The following CMYA5 variants were observed in gnomAD, a reference collection of about 807,000 sequenced individuals.
CMYA5 encodes cardiomyopathy-associated protein 5.
In CMYA5, 246 loss-of-function variants were observed where a neutral mutation model predicts 318.9. The ratio of observed to expected loss-of-function variants is 0.77; its 90% CI spans 0.70 to 0.86. CMYA5 has a LOEUF of 0.86. CMYA5 is among the 40% of genes least tolerant of loss of function. The pLI, the probability that CMYA5 is intolerant of heterozygous loss-of-function variation, is 0.00. For missense variants in CMYA5, 4,589 were observed against 4,678.2 expected (o/e 0.98, Z 0.56); for synonymous variants, 1,641 against 1,729.5 (o/e 0.95, Z 1.27).
Position 79,735,885 on chromosome 5 carries a change from T to C in CMYA5, c.7120T>C (p.Ser2374Pro), listed in dbSNP as rs376596855. ...EEPRSDQKQK[S>P]LLSFDVVDKV... ...GCCAAGAAGTGATCAAAAACAAAAATCACTCCTTTCATTTGATGTAGTAGA... is the reference window on the plus strand; with the variant it reads ...GCCAAGAAGTGATCAAAAACAAAAACCACTCCTTTCATTTGATGTAGTAGA... The change falls in exon 2 of 13, where the codon TCA becomes CCA. Residue 2374 changes from serine (S) to proline (P), a missense_variant. By Grantham distance (74) the Ser-to-Pro change is moderately conservative. Coordinates refer to ENST00000446378, the MANE Select transcript of CMYA5 (RefSeq NM_153610.5). 4 of 1,580,460 alleles carry C rather than the reference T, an allele frequency of 2.5e-6. No homozygotes were observed. In the African/African-American group the frequency reaches 5.5e-5, roughly 22 times the overall value.
chr5:79,744,461 C>T (rs905434962), intron 3 of CMYA5, among the ~76,000 whole-genome samples: 2 of 152,158 alleles, frequency 1.3e-5, no homozygotes, highest in African/African-American at 4.8e-5. Flanking sequence ...AGCAATGCTC[C>T]ATCCTTATAC....
chr5:79,775,507 T>C (rs1416927613), intron 9 of CMYA5, among the ~76,000 whole-genome samples: 1 of 152,074 alleles, frequency 6.6e-6, no homozygotes, highest in East Asian at 1.9e-4. Context: ...AATCTGAACT[T>C]ACTGGCAGCT....
chr5:79,710,036 TC>T (rs1827358778), intron 1 of CMYA5, among the ~76,000 whole-genome samples: 2 of 151,006 alleles, frequency 1.3e-5, no homozygotes, highest in Admixed American at 1.3e-4. Context: ...AATTACTCCT[TC>T]CTTTTCCAAC....
chr5:79,737,914 A>G lies in CMYA5; in HGVS notation c.9149A>G (p.Glu3050Gly). 1 of 1,605,974 alleles carries G rather than the reference A, an allele frequency of 6.2e-7. No homozygotes were observed. The highest frequency in any genetic ancestry group is 1.3e-5 in the African/African-American group (1 of 74,320). ...SFIQPTIPSEEDYFEKYTLID... is the reference protein window; with the variant it reads ...SFIQPTIPSEGDYFEKYTLID... ...ATTCAGCCCACAATTCCCAGTGAAG[A>G]GGATTATTTTGAAAAATATACTTTG... Residue 3050 changes from glutamate to glycine, a missense_variant, in exon 2 of 13, where the codon GAG becomes GGG. Physicochemically the swap from Glu to Gly is moderately conservative, Grantham distance 98. Coordinates refer to ENST00000446378, the MANE Select transcript of CMYA5 (RefSeq NM_153610.5).
intron 1 of CMYA5, among the ~76,000 whole-genome samples, chr5:79,704,773 A>G (rs1827239521): frequency 6.6e-6 from 1 of 152,204 alleles, no homozygotes; most frequent in African/African-American, 2.4e-5. Context: ...TTGACACATC[A>G]GAGATAGAGT....
intron 1 of CMYA5, among the ~76,000 whole-genome samples, chr5:79,719,799 G>T (rs1243737799): frequency 6.6e-6 from 1 of 152,154 alleles, no homozygotes; most frequent in Non-Finnish European, 1.5e-5. Context: ...GAAGGGAAGG[G>T]CTTATGTAGA....
chr5:79,737,689 A>G lies in CMYA5; in HGVS notation c.8924A>G (p.Asp2975Gly). 6.2e-7 allele frequency: 1 copy of G among 1,612,586 alleles called. No homozygotes were observed. The highest frequency in any genetic ancestry group is 8.5e-7 in the Non-Finnish European group (1 of 1,179,526). Residue 2975 changes from aspartate (D) to glycine (G), a missense_variant, in exon 2 of 13, where the codon GAT becomes GGT. Coordinates refer to ENST00000446378, the MANE Select transcript of CMYA5 (RefSeq NM_153610.5). Reference protein sequence around the residue: ...IDQEESEQMQDKLEYLEEKAS... With the variant: ...IDQEESEQMQGKLEYLEEKAS... ...CAGGAAGAAAGTGAACAAATGCAAG[A>G]TAAATTAGAATATTTGGAAGAGAAA... is the stretch of plus-strand genomic sequence containing the variant.
chr5:79,689,976 C>A lies in CMYA5; in HGVS notation c.69C>A (p.Thr23=). ...GCTCCGACGGGGACGAGGAGGCGAC[C>A]CGGGAGCTGGAGACCGAGGAGGAGT... ...FLGSDGDEEA[T]RELETEEESE... is the part of the protein sequence containing the mutation. The change falls in exon 1 of 13, where the codon ACC becomes ACA. Residue 23 remains threonine, a synonymous_variant. Coordinates refer to ENST00000446378, the MANE Select transcript of CMYA5 (RefSeq NM_153610.5). 1 of 1,373,764 alleles carries A rather than the reference C, an allele frequency of 7.3e-7. No homozygotes were observed. Among genetic ancestry groups the A allele is most frequent in the Non-Finnish European group, 1.0e-6 (1 of 995,462 alleles). 85.1% of individuals were successfully genotyped at this position (1,373,764 alleles called of 1,614,324 possible). A position where few individuals can be genotyped will look rare whatever the true frequency, so the allele number is the denominator to read the frequency against.
Position 79,735,204 on chromosome 5 carries a change from G to A in CMYA5, c.6439G>A (p.Glu2147Lys). 1 of 1,613,776 alleles carries A rather than the reference G, an allele frequency of 6.2e-7. No individual in the cohort carries two copies. Among genetic ancestry groups the A allele is most frequent in the Non-Finnish European group, 8.5e-7 (1 of 1,179,784 alleles). ...SIHAREPQSP[E>K]SPEVTQNPPT... ...CCATGCAAGAGAGCCTCAATCCCCA[G>A]AGTCACCTGAGGTGACACAAAATCC... Residue 2147 changes from glutamate to lysine, a missense_variant, in exon 2 of 13, where the codon GAG becomes AAG. Coordinates refer to ENST00000446378, the MANE Select transcript of CMYA5 (RefSeq NM_153610.5).
chr5:79,700,986 T>C (rs1420188700), intron 1 of CMYA5, among the ~76,000 whole-genome samples: 2 of 151,038 alleles, frequency 1.3e-5, no homozygotes, highest in Non-Finnish European at 2.9e-5. Flanking sequence ...GGCTCACACC[T>C]GTAATCCCAG....
In CMYA5 at chr5:79,729,720, A is replaced by G. The variant is rs773269720; in HGVS notation, c.955A>G (p.Ser319Gly). The G allele has an allele frequency of 3.1e-6, 5 of 1,613,972 alleles. No homozygotes were observed. In the Admixed American group the frequency reaches 6.7e-5, roughly 22 times the overall value. Residue 319 changes from serine to glycine, a missense_variant, in exon 2 of 13, where the codon AGT (serine) becomes GGT (glycine). Around this residue, in one of 3 missense-constraint regions of CMYA5, gnomAD observed 2,132 missense variants for 2,131.3 expected, o/e 1.00. Transcript: ENST00000446378. ...ATCAGAGTCCCTAACCTTAATGTTC[A>G]GTCATGAAGATCAAAAGAAAATTTA... Reference protein sequence around the residue: ...KGSESLTLMFSHEDQKKIYAD... With the variant: ...KGSESLTLMFGHEDQKKIYAD...
chr5:79,759,629 GA>G (rs558973587), intron 7 of CMYA5, among the ~76,000 whole-genome samples: 2 of 152,190 alleles, frequency 1.3e-5, no homozygotes, highest in Non-Finnish European at 2.9e-5. Context: ...GCTTCCTGAT[GA>G]ATCAGAGCTG....
At chr5:79,762,949 G>A in intron 8 of CMYA5, 113 bp from the exon 9 acceptor site, 1 of 1,236,274 alleles carries the variant, frequency 8.1e-7, no homozygotes, top group Non-Finnish European at 1.1e-6. Flanking sequence ...TACACTTTCT[G>A]ATGAAAAATT....
At chr5:79,718,324 TAA>T (rs1827558443) in intron 1 of CMYA5, among the ~76,000 whole-genome samples, 1 of 152,198 alleles carries the variant, frequency 6.6e-6, no homozygotes, top group African/African-American at 2.4e-5. Context: ...TTCCATTTTT[TAA>T]AAGACTCATA....
intron 9 of CMYA5, among the ~76,000 whole-genome samples, chr5:79,787,719 C>T (rs555174257): frequency 2.0e-5 from 3 of 152,336 alleles, no homozygotes; most frequent in South Asian, 4.1e-4. Context: ...TGTCCCCTTA[C>T]CCCTGCCTTC....
chr5:79,739,777 G>C (rs1308000267), intron 2 of CMYA5, among the ~76,000 whole-genome samples: 2 of 152,076 alleles, frequency 1.3e-5, no homozygotes, highest in Non-Finnish European at 2.9e-5. Flanking sequence ...GAGCCCAGAA[G>C]TTTGAGACCA....
At position 79,734,414 on chromosome 5, in the gene CMYA5, A is replaced by G. The variant is rs371399060; in HGVS notation, c.5649A>G (p.Glu1883=). The G allele has an allele frequency of 2.2e-4, 360 of 1,613,658 alleles. No individual in the cohort carries two copies. The highest frequency in any genetic ancestry group is 2.9e-4 in the Non-Finnish European group (339 of 1,179,792). Residue 1883 remains glutamate, a synonymous_variant, in exon 2 of 13, where the codon GAA becomes GAG. Coordinates refer to ENST00000446378, the MANE Select transcript of CMYA5 (RefSeq NM_153610.5). Reference sequence around the variant, plus strand: ...CGGATGTCAAAGAAACAAAAATGGAAGAATTCTTTATTTCTCCAAAGGATG... The same window carrying G: ...CGGATGTCAAAGAAACAAAAATGGAGGAATTCTTTATTTCTCCAAAGGATG... The part of the protein sequence containing the change: ...KPADVKETKM[E]EFFISPKDEN...
intron 5 of CMYA5, among the ~76,000 whole-genome samples, chr5:79,748,351 A>G (rs999238684): frequency 4.6e-5 from 7 of 152,144 alleles, no homozygotes; most frequent in Non-Finnish European, 7.4e-5. Context: ...TTGTTTAACC[A>G]AAGATCCTTT....
intron 5 of CMYA5, 147 bp downstream of exon 5, chr5:79,747,260 T>C (rs1828347773): frequency 1.6e-6 from 1 of 631,980 alleles, no homozygotes. Flanking sequence ...ACAGTGCTTT[T>C]AAAAGCTAAA....
Sources: gnomAD v4.1 joint callset for allele counts (sites outside exome capture counted in the v4.1 genomes callset) on GRCh38, gnomAD v4.1.1 for gene constraint, gnomAD v4.1.1 regional missense constraint, MANE v1.5 for transcripts, NCBI Gene and HGNC (gene_info 2026-07-23, HGNC 2026-07-21) for gene names.